Variants in SPTB observed in about 807,000 individuals in gnomAD.
SPTB encodes the protein spectrin beta, erythrocytic.
Under a neutral mutation model 256.2 loss-of-function variants are expected in SPTB, and 45 were observed. The ratio of observed to expected loss-of-function variants is 0.18; its 90% confidence interval spans 0.14 to 0.23. The LOEUF (loss-of-function observed/expected upper bound fraction) is 0.23, where lower values mean the gene tolerates loss of function less well. Ranked by LOEUF, SPTB falls within the 10% of genes least tolerant of loss-of-function variation. The pLI, the probability that SPTB is intolerant of heterozygous loss-of-function variation, is 1.00. For missense variants in SPTB, 2,715 were observed against 3,040.4 expected (o/e 0.89, Z 2.52); for synonymous variants, 1,231 against 1,243.1 (o/e 0.99, Z 0.21).
chr14:64,857,602 A>C (rs1353242646), intron 1 of SPTB, among the ~76,000 whole-genome samples: 3 of 150,412 alleles, frequency 2.0e-5, no homozygotes, highest in East Asian at 3.9e-4. Context: ...AAAAAAAAAA[A>C]AAATCCTGAT....
rs1882653123 is a variant in SPTB at position 64,873,391 on chromosome 14, C to T, written c.-52+6401G>A. On this transcript the variant is annotated intron_variant, in intron 1 of 35. Coordinates refer to ENST00000644917, the MANE Select transcript of SPTB (RefSeq NM_001355436.2). This position sits in a 1 kb window ranked among gnomAD's most constrained non-coding sequence, Gnocchi z 4.3. The stretch of plus-strand genomic sequence containing the variant: ...ATACAAATCAAGGCCCTCAAGATCA[C>T]TGGACAAAAAGAGGCTGCTGAAGTC... Among the ~76,000 whole-genome samples the T allele has an allele frequency of 6.6e-6, 1 of 152,146 alleles. No homozygotes were observed. Among genetic ancestry groups the T allele is most frequent in the African/African-American group, 2.4e-5 (1 of 41,414 alleles).
At position 64,749,108 on chromosome 14, in the gene SPTB, G is replaced by T. The variant is rs1014084019; in HGVS notation, c.*198C>A. 10 of 552,978 alleles carry T rather than the reference G, an allele frequency of 1.8e-5. No homozygotes were observed. The highest frequency in any genetic ancestry group is 2.7e-5 in the Non-Finnish European group (9 of 328,044). 34.3% of individuals were successfully genotyped at this position (552,978 alleles called of 1,614,324 possible). Reference sequence around the variant, plus strand: ...CCTGTCCCTGGAGCGGAGCCAGCGCGGGCGAGGGCATGGAGGGGGCGTCGG... The same window carrying T: ...CCTGTCCCTGGAGCGGAGCCAGCGCTGGCGAGGGCATGGAGGGGGCGTCGG... On this transcript the variant is annotated 3_prime_UTR_variant, in exon 36 of 36. Transcript: ENST00000644917. The surrounding 1 kb of genome is among the most constrained non-coding windows in gnomAD (Gnocchi z 4.7).
rs2082434962 is a variant in SPTB, at chr14:64,779,945, G to A, written c.4267-14C>T. The A allele has an allele frequency of 2.5e-5, 41 of 1,611,386 alleles. No individual in the cohort carries two copies. The highest frequency in any genetic ancestry group is 3.1e-5 in the Non-Finnish European group (37 of 1,177,902). ...GTCCTCCACTCGCTGAGACACAAGG[G>A]GACGGTGTCAGCACCAGCCTTGGCA... On this transcript the variant is annotated splice_polypyrimidine_tract_variant and intron_variant, in intron 20 of 35. Transcript: ENST00000644917. This position sits in a 1 kb window ranked among gnomAD's most constrained non-coding sequence, Gnocchi z 4.2.
Position 64,866,133 on chromosome 14 carries a change from A to G in SPTB, c.-52+13659T>C, listed in dbSNP as rs1363945787. 6.6e-6 allele frequency among the ~76,000 whole-genome samples: 1 copy of G among 152,232 alleles called. No homozygotes were observed. The highest frequency in any genetic ancestry group is 2.4e-5 in the African/African-American group (1 of 41,464). ...CACTCAAAGAGCATGCAGTGAGGCC[A>G]CTAACTAGTAGTCAGCCTACTGGTG... On this transcript the variant is annotated intron_variant, in intron 1 of 35. Coordinates refer to ENST00000644917, the MANE Select transcript of SPTB (RefSeq NM_001355436.2). The surrounding 1 kb of genome is among the most constrained non-coding windows in gnomAD (Gnocchi z 4.6).
chr14:64,846,740 T>G (rs936286755), intron 1 of SPTB, among the ~76,000 whole-genome samples: 57 of 152,188 alleles, frequency 3.7e-4, no homozygotes, highest in Middle Eastern at 3.2e-3. Flanking sequence ...ATCATATACA[T>G]TCATGTCTTG....
At position 64,767,433 on chromosome 14, in the gene SPTB, C is replaced by T. The variant is rs533162511; in HGVS notation, c.6220-81G>A. Reference sequence around the variant, plus strand: ...CAGACGATCTCCCTCTGGATGCGGCCCTGCACCCCCACATGCCCTGACACT... The same window carrying T: ...CAGACGATCTCCCTCTGGATGCGGCTCTGCACCCCCACATGCCCTGACACT... On this transcript the variant is annotated intron_variant, in intron 30 of 35. Transcript: ENST00000644917. 13 of 1,571,452 alleles carry T rather than the reference C, an allele frequency of 8.3e-6. No homozygotes were observed. In the South Asian group the frequency reaches 1.2e-4, roughly 15 times the overall value.
At chr14:64,774,764 G>A (rs1461106015) in intron 23 of SPTB, among the ~76,000 whole-genome samples, 2 of 152,056 alleles carry the variant, frequency 1.3e-5, no homozygotes, top group East Asian at 3.9e-4. Flanking sequence ...TTCCTTTTGT[G>A]CTCTAACCCC....
chr14:64,749,720 T>C lies in SPTB; in HGVS notation c.6777-24A>G, dbSNP rs753692415. The stretch of plus-strand genomic sequence containing the variant: ...GCCTAGGAGGACAAAGGGTTTCCTG[T>C]CATGGAGACACCTCTGGAGGGGGCG... On this transcript the variant is annotated intron_variant, in intron 34 of 35. Coordinates refer to ENST00000644917, the MANE Select transcript of SPTB (RefSeq NM_001355436.2). This position sits in a 1 kb window ranked among gnomAD's most constrained non-coding sequence, Gnocchi z 4.7. The C allele has an allele frequency of 6.2e-7, 1 of 1,612,584 alleles. No homozygotes were observed. The highest frequency in any genetic ancestry group is 1.1e-5 in the South Asian group (1 of 90,850).
In SPTB at chr14:64,790,514, G is replaced by C. The variant is rs2082651035; in HGVS notation, c.2804+1205C>G. 1.3e-5 allele frequency among the ~76,000 whole-genome samples: 2 copies of C among 152,182 alleles called. 1 individual carries two copies. The highest frequency in any genetic ancestry group is 4.1e-4 in the South Asian group (2 of 4,832). ...TTTGTAAAACATCAGATTGACAAAG[G>C]AATCTCCTAAACCGCACTCTGCAGC... On this transcript the variant is annotated intron_variant, in intron 15 of 35. Coordinates refer to ENST00000644917, the MANE Select transcript of SPTB (RefSeq NM_001355436.2). This position sits in a 1 kb window ranked among gnomAD's most constrained non-coding sequence, Gnocchi z 4.8.
rs551480636 is a variant in SPTB at position 64,815,042 on chromosome 14, G to A, written c.148+7905C>T. Among the ~76,000 whole-genome samples the A allele has an allele frequency of 6.0e-4, 69 of 114,122 alleles. 2 individuals carry two copies. In the South Asian group the frequency reaches 0.02, roughly 33 times the overall value. The allele number at this position is 114,122 out of a possible 152,430, so 74.9% of individuals were successfully genotyped here. On this transcript the variant is annotated intron_variant, in intron 2 of 35. Coordinates refer to ENST00000644917, the MANE Select transcript of SPTB (RefSeq NM_001355436.2). Reference sequence around the variant, plus strand: ...TATGTGTGTGTGTGCATGTAAGCAGGTTTTGGGAGTGGGGGTGAGAAGCAG... The same window carrying A: ...TATGTGTGTGTGTGCATGTAAGCAGATTTTGGGAGTGGGGGTGAGAAGCAG...
At chr14:64,805,208 T>C (rs1193882919) in intron 2 of SPTB, 118 bp from the exon 3 acceptor site, 1 of 1,141,848 alleles carries the variant, frequency 8.8e-7, no homozygotes, top group East Asian at 2.5e-5. Flanking sequence ...AGGAAGTCGA[T>C]GTATTCATTC....
rs1033796606 is a variant in SPTB at position 64,855,560 on chromosome 14, G to A, written c.-52+24232C>T. On this transcript the variant is annotated intron_variant, in intron 1 of 35. Coordinates refer to ENST00000644917, the MANE Select transcript of SPTB (RefSeq NM_001355436.2). ...CATATACGTTGACCAGGCTGGTCTC[G>A]AACTCCTAGGCTCAAGCAAACCTCC... Among the ~76,000 whole-genome samples, 3 of 122,852 alleles carry A rather than the reference G, an allele frequency of 2.4e-5. No homozygotes were observed. In the East Asian group the frequency reaches 6.3e-4, roughly 26 times the overall value. 80.6% of individuals were successfully genotyped at this position (122,852 alleles called of 152,430 possible). A position where few individuals can be genotyped will look rare whatever the true frequency, so the allele number is the denominator to read the frequency against.
Position 64,750,004 on chromosome 14 carries a change from C to T in SPTB, c.6753G>A (p.Lys2251=). The part of the protein sequence containing the change: ...AICEIAANYK[K]KKHVFKLRLS... ...ACCTCAGCTTAAAGACGTGCTTCTT[C>T]TTCTTGTAGTTGGCAGCAATCTCAC... The change falls in exon 34 of 36, where the codon AAG becomes AAA. Residue 2251 remains lysine, a synonymous_variant. Coordinates refer to ENST00000644917, the MANE Select transcript of SPTB (RefSeq NM_001355436.2). 6.2e-7 allele frequency: 1 copy of T among 1,614,236 alleles called. No individual in the cohort carries two copies. Among genetic ancestry groups the T allele is most frequent in the East Asian group, 2.2e-5 (1 of 44,882 alleles).
rs34132510 is a variant in SPTB, at chr14:64,869,786, C to CTT, written c.-52+10004_-52+10005dup. ...TACAGGCACGTGCCACGATGCCCTG[C>CTT]TTTTTTTTTTTTCTTTTTAATTTTT... On this transcript the variant is annotated intron_variant, in intron 1 of 35. Coordinates refer to ENST00000644917, the MANE Select transcript of SPTB (RefSeq NM_001355436.2). Among the ~76,000 whole-genome samples, 778 of 133,196 alleles carry CTT rather than the reference C, an allele frequency of 5.8e-3. 5 individuals are homozygous for CTT. Among genetic ancestry groups the CTT allele is most frequent in the African/African-American group, 0.012 (441 of 36,014 alleles). 87.4% of individuals were successfully genotyped at this position (133,196 alleles called of 152,430 possible). A position where few individuals can be genotyped will look rare whatever the true frequency, so the allele number is the denominator to read the frequency against.
At chr14:64,854,717 G>A (rs2083844343) in intron 1 of SPTB, among the ~76,000 whole-genome samples, 1 of 151,962 alleles carries the variant, frequency 6.6e-6, no homozygotes, top group Non-Finnish European at 1.5e-5. Context: ...AACCACATGG[G>A]TGAGGGGAAG....
In SPTB at chr14:64,853,187, G is replaced by T. The variant is rs1420444483; in HGVS notation, c.-52+26605C>A. On this transcript the variant is annotated intron_variant, in intron 1 of 35. Coordinates refer to ENST00000644917, the MANE Select transcript of SPTB (RefSeq NM_001355436.2). This position sits in a 1 kb window ranked among gnomAD's most constrained non-coding sequence, Gnocchi z 4.3. The stretch of plus-strand genomic sequence containing the variant: ...TCTGGGTGGAAATGCTTAACCTGAG[G>T]CTGGGTACCCAAGTCCTGAACCTGT... Among the ~76,000 whole-genome samples the T allele has an allele frequency of 6.6e-6, 1 of 152,204 alleles. No homozygotes were observed. Among genetic ancestry groups the T allele is most frequent in the Non-Finnish European group, 1.5e-5 (1 of 68,038 alleles).
chr14:64,859,423 T>C (rs578192750), intron 1 of SPTB, among the ~76,000 whole-genome samples: 1 of 152,134 alleles, frequency 6.6e-6, no homozygotes, highest in African/African-American at 2.4e-5. Context: ...TTAAATAGTA[T>C]TAAACTATAG....
At chr14:64,763,863 G>A (rs1211750791) in intron 32 of SPTB, 1 of 518,902 alleles carries the variant, frequency 1.9e-6, no homozygotes, top group African/African-American at 1.9e-5. Context: ...GAAAGAGGCT[G>A]ATGTGTGGGA....
chr14:64,803,549 T>G, intron 4 of SPTB, 58 bp downstream of exon 4: 7 of 1,606,464 alleles, frequency 4.4e-6, no homozygotes, highest in Non-Finnish European at 6.0e-6. Context: ...TATAAGATTC[T>G]AAGGCCCTGG....
Sources: gnomAD v4.1 joint callset for allele counts (sites outside exome capture counted in the v4.1 genomes callset) on GRCh38, gnomAD v4.1.1 for gene constraint, Gnocchi (gnomAD v3.1) non-coding constraint, MANE v1.5 for transcripts, NCBI Gene and HGNC (gene_info 2026-07-23, HGNC 2026-07-21) for gene names.